SV2C: variants seen among roughly 807,000 people sequenced by gnomAD.
SV2C encodes solute carrier family 22 member B3.
Under a neutral mutation model 79.7 loss-of-function variants are expected in SV2C, and 49 were observed. The ratio of observed to expected loss-of-function variants is 0.61; its 90% CI spans 0.49 to 0.78. The LOEUF is 0.78. SV2C is among the 30% of genes least tolerant of loss of function. SV2C has a pLI of 0.00. For missense variants in SV2C, 833 were observed against 912.9 expected, an observed-to-expected ratio of 0.91 and a Z score of 1.13; for synonymous variants, 334 against 333.2, an observed-to-expected ratio of 1.00 and a Z score of -0.03.
chr5:76,320,048 A>G (rs1209575764), intron 12 of SV2C, among the ~76,000 whole-genome samples: 1 of 152,110 alleles, frequency 6.6e-6, no homozygotes, highest in Non-Finnish European at 1.5e-5. Context: ...ACGGTGGCTC[A>G]TACCTGTAAT....
chr5:75,968,989 C>T, the SV2C span, among the ~76,000 whole-genome samples: 3 of 152,200 alleles, frequency 2.0e-5, no homozygotes, highest in Admixed American at 2.0e-4. Context: ...GGCAGAAACT[C>T]TACAAGCCAG....
downstream of SV2C, among the ~76,000 whole-genome samples, chr5:76,338,284 G>T (rs1749366338): frequency 6.6e-6 from 1 of 152,304 alleles, no homozygotes; most frequent in Non-Finnish European, 1.5e-5. Context: ...CCATATTTCT[G>T]CCTCCTCTAC....
chr5:76,171,136 G>C (rs1357841668), intron 2 of SV2C: 1 of 62,962 alleles, frequency 1.6e-5, no homozygotes, highest in South Asian at 6.7e-4. Context: ...AAAGTGCCGA[G>C]ATTGCAGCCT....
At chr5:76,156,140 A>G (rs1742719368) in intron 2 of SV2C, among the ~76,000 whole-genome samples, 1 of 152,090 alleles carries the variant, frequency 6.6e-6, no homozygotes, top group Non-Finnish European at 1.5e-5. Context: ...TGTCTTTTCA[A>G]AGGAGCCAAA....
chr5:75,854,807 C>T, the SV2C span, among the ~76,000 whole-genome samples: 5 of 152,036 alleles, frequency 3.3e-5, no homozygotes, highest in African/African-American at 1.2e-4. Flanking sequence ...GGATGTTTTT[C>T]CTATGCTCTC....
chr5:76,152,606 A>AC (rs1749637517), intron 2 of SV2C, among the ~76,000 whole-genome samples: 1 of 152,212 alleles, frequency 6.6e-6, no homozygotes, highest in Non-Finnish European at 1.5e-5. Flanking sequence ...GTCAAATAGC[A>AC]ATTATAATGT....
At chr5:76,019,777 T>C in the SV2C span, among the ~76,000 whole-genome samples, 1 of 151,952 alleles carries the variant, frequency 6.6e-6, no homozygotes, top group Non-Finnish European at 1.5e-5. Context: ...AAAATATTGG[T>C]AGAGAGGGAA....
chr5:76,257,088 A>G (rs1746291880), intron 4 of SV2C, among the ~76,000 whole-genome samples: 1 of 138,890 alleles, frequency 7.2e-6, no homozygotes, highest in Non-Finnish European at 1.6e-5. Flanking sequence ...AAACCTGCAC[A>G]GGTGTTCTGA....
the SV2C span, among the ~76,000 whole-genome samples, chr5:76,023,465 C>T: frequency 6.6e-6 from 1 of 152,042 alleles, no homozygotes; most frequent in South Asian, 2.1e-4. Context: ...TCAAATGCGT[C>T]TTATAGGACT....
the SV2C span, among the ~76,000 whole-genome samples, chr5:75,966,973 T>C: frequency 6.6e-6 from 1 of 152,204 alleles, no homozygotes; most frequent in Non-Finnish European, 1.5e-5. Context: ...TATTCACAAT[T>C]AACATGATTG....
the SV2C span, among the ~76,000 whole-genome samples, chr5:75,855,897 A>G: frequency 3.9e-5 from 6 of 152,196 alleles, no homozygotes; most frequent in East Asian, 1.9e-4. Flanking sequence ...GGTCTTATTC[A>G]TTCTAAGTAT....
intron 10 of SV2C, among the ~76,000 whole-genome samples, chr5:76,300,188 TTA>T (rs1747939245): frequency 1.3e-5 from 2 of 148,774 alleles, no homozygotes; most frequent in South Asian, 4.2e-4. Flanking sequence ...ATTATTATTA[TTA>T]TTTTTGTAGA....
chr5:76,008,738 A>G, the SV2C span, among the ~76,000 whole-genome samples: 1 of 152,136 alleles, frequency 6.6e-6, no homozygotes, highest in East Asian at 1.9e-4. Context: ...AGAATGGTCC[A>G]TTTAAAACTT....
chr5:75,910,537 T>C, the SV2C span: 18 of 642,488 alleles, frequency 2.8e-5, no homozygotes, highest in Admixed American at 2.2e-4. Flanking sequence ...TTTGTTCAAA[T>C]TGTTCACCTT....
the SV2C span, among the ~76,000 whole-genome samples, chr5:75,986,353 G>A: frequency 6.6e-6 from 1 of 151,732 alleles, no homozygotes; most frequent in African/African-American, 2.4e-5. Flanking sequence ...GATGACAGAA[G>A]CAGAGAGTGA....
the SV2C span, among the ~76,000 whole-genome samples, chr5:76,017,849 G>A: frequency 3.3e-5 from 5 of 152,226 alleles, no homozygotes; most frequent in South Asian, 2.1e-4. Flanking sequence ...GGGAAGTGGC[G>A]GTAGGAAGAA....
At chr5:76,127,788 G>A (rs986491530) in intron 1 of SV2C, among the ~76,000 whole-genome samples, 4 of 152,140 alleles carry the variant, frequency 2.6e-5, no homozygotes, top group Non-Finnish European at 5.9e-5. Flanking sequence ...CAGTTGGCAT[G>A]GGGTTATGAA....
chr5:76,270,647 T>C (rs1179782876), intron 4 of SV2C, among the ~76,000 whole-genome samples: 1 of 152,190 alleles, frequency 6.6e-6, no homozygotes, highest in East Asian at 1.9e-4. Flanking sequence ...GTGTATTGCG[T>C]TGGGGCAGGA....
the SV2C span, among the ~76,000 whole-genome samples, chr5:75,992,564 G>A: frequency 7.2e-5 from 11 of 151,934 alleles, no homozygotes; most frequent in Non-Finnish European, 1.2e-4. Flanking sequence ...ATTTGTGACC[G>A]GTCATGTTTC....
Sources: gnomAD v4.1 joint callset for allele counts (sites outside exome capture counted in the v4.1 genomes callset) on GRCh38, gnomAD v4.1.1 for gene constraint, MANE v1.5 for transcripts, NCBI Gene and HGNC (gene_info 2026-07-23, HGNC 2026-07-21) for gene names.